Variants in PPM1D observed in about 807,000 individuals in gnomAD.
PPM1D encodes protein phosphatase 1D.
PPM1D carries 52 observed loss-of-function variants against 58.3 expected under a neutral mutation model. That is an observed-to-expected ratio of 0.89 (90% CI 0.71 to 1.12). The LOEUF (loss-of-function observed/expected upper bound fraction) is 1.12. PPM1D is among the 50% of genes most tolerant of loss of function. The pLI is 0.00. For missense variants in PPM1D, 564 were observed against 777.2 expected (o/e 0.73, Z 3.26); for synonymous variants, 278 against 285.1 (o/e 0.98, Z 0.25).
At chr17:60,609,702 G>T (rs2030414727) in intron 1 of PPM1D, among the ~76,000 whole-genome samples, 1 of 151,916 alleles carries the variant, frequency 6.6e-6, no homozygotes, top group Admixed American at 6.6e-5. Context: ...AGCCATCTTG[G>T]GTGTGGTTAT....
At chr17:60,652,185 A>G (rs1232068251) in intron 4 of PPM1D, among the ~76,000 whole-genome samples, 2 of 149,966 alleles carry the variant, frequency 1.3e-5, no homozygotes, top group Non-Finnish European at 3.0e-5. Context: ...CCACAATTCT[A>G]CTCTCTCTCT....
chr17:60,622,511 G>A (rs542733174), intron 1 of PPM1D, among the ~76,000 whole-genome samples: 23 of 152,260 alleles, frequency 1.5e-4, no homozygotes, highest in Non-Finnish European at 8.8e-5. Flanking sequence ...TTGAATGACA[G>A]TGAATTTAAT....
chr17:60,608,200 G>C (rs1442354805), intron 1 of PPM1D, among the ~76,000 whole-genome samples: 1 of 152,078 alleles, frequency 6.6e-6, no homozygotes, highest in Non-Finnish European at 1.5e-5. Context: ...TTATTAGGTA[G>C]TCTCTCCAGA....
At chr17:60,608,798 A>G (rs1312053002) in intron 1 of PPM1D, among the ~76,000 whole-genome samples, 1 of 149,996 alleles carries the variant, frequency 6.7e-6, no homozygotes, top group Admixed American at 6.7e-5. Context: ...CCCAGGCTGG[A>G]GTGCAGTGGC....
chr17:60,609,129 A>C (rs1908458533), intron 1 of PPM1D, among the ~76,000 whole-genome samples: 1 of 144,644 alleles, frequency 6.9e-6, no homozygotes, highest in South Asian at 2.2e-4. Flanking sequence ...AGTCTTGCTT[A>C]ATCTCCCGGG....
chr17:60,649,677 G>A (rs926556862), intron 4 of PPM1D, among the ~76,000 whole-genome samples: 16 of 150,506 alleles, frequency 1.1e-4, no homozygotes, highest in African/African-American at 3.7e-4. Flanking sequence ...CAATAAGAAC[G>A]AAACTCTGTC....
In PPM1D at chr17:60,600,620, C is replaced by G; in HGVS notation, c.206C>G (p.Ala69Gly). Residue 69 changes from alanine to glycine, a missense_variant, in exon 1 of 6, where the codon GCG (alanine) becomes GGG (glycine). This residue lies in a region of PPM1D where 132 missense variants were observed against 150.4 expected (regional missense o/e 0.88). Transcript: ENST00000305921. ...PGGEVSGKGP[A>G]VAAREARDPL... The stretch of plus-strand genomic sequence containing the variant: ...GGCGAAGTCTCGGGGAAAGGCCCAG[C>G]GGTGGCAGCCCGAGAGGCTCGCGAC... The G allele has an allele frequency of 1.3e-6, 2 of 1,560,550 alleles. No homozygotes were observed. The highest frequency in any genetic ancestry group is 1.7e-6 in the Non-Finnish European group (2 of 1,154,844).
At chr17:60,631,842 C>T (rs964118805) in intron 2 of PPM1D, among the ~76,000 whole-genome samples, 10 of 152,042 alleles carry the variant, frequency 6.6e-5, no homozygotes, top group Non-Finnish European at 1.2e-4. Flanking sequence ...TTTGAGAGAC[C>T]ATCTCTAATG....
At chr17:60,661,011 C>G (rs905200427) in intron 5 of PPM1D, among the ~76,000 whole-genome samples, 4 of 151,174 alleles carry the variant, frequency 2.6e-5, no homozygotes, top group Non-Finnish European at 5.9e-5. Flanking sequence ...GTCAGGAGAT[C>G]GAGACCAGCC....
At chr17:60,618,192 G>A (rs537168264) in intron 1 of PPM1D, among the ~76,000 whole-genome samples, 5 of 152,282 alleles carry the variant, frequency 3.3e-5, no homozygotes, top group Admixed American at 2.6e-4. Context: ...TTCCCAGGCT[G>A]TAAACTCCTG....
chr17:60,640,512 G>T (rs2031112718), intron 3 of PPM1D, among the ~76,000 whole-genome samples: 1 of 152,126 alleles, frequency 6.6e-6, no homozygotes, highest in Admixed American at 6.5e-5. Context: ...ATTCATCCTA[G>T]ATTTGTGGGC....
chr17:60,652,634 T>C (rs2031368309), intron 4 of PPM1D, among the ~76,000 whole-genome samples: 1 of 142,448 alleles, frequency 7.0e-6, no homozygotes. Context: ...CCACTAACAC[T>C]GAGGGTTCCC....
intron 2 of PPM1D, among the ~76,000 whole-genome samples, chr17:60,632,053 C>T (rs1331764923): frequency 1.3e-5 from 2 of 152,072 alleles, no homozygotes; most frequent in South Asian, 2.1e-4. Context: ...TGGCAGGTGC[C>T]TGTAGTCCCA....
At chr17:60,613,891 C>T (rs1053067948) in intron 1 of PPM1D, among the ~76,000 whole-genome samples, 3 of 108,002 alleles carry the variant, frequency 2.8e-5, no homozygotes, top group African/African-American at 2.2e-4. Flanking sequence ...ATACCTGAGG[C>T]CCCCCCCCCG....
At chr17:60,609,888 C>T (rs778254935) in intron 1 of PPM1D, among the ~76,000 whole-genome samples, 6 of 151,990 alleles carry the variant, frequency 3.9e-5, no homozygotes, top group Non-Finnish European at 8.8e-5. Context: ...ATCATAGATA[C>T]GTATGTATAG....
intron 4 of PPM1D, among the ~76,000 whole-genome samples, chr17:60,654,341 G>A (rs1413362416): frequency 2.2e-5 from 3 of 136,910 alleles, no homozygotes; most frequent in South Asian, 2.4e-4. Context: ...GTGCGATCCC[G>A]GCTCACTGCA....
chr17:60,615,865 G>T, intron 1 of PPM1D, among the ~76,000 whole-genome samples: 1 of 151,802 alleles, frequency 6.6e-6, no homozygotes. Context: ...GTCCAGGCTG[G>T]AGTATAGTAG....
At chr17:60,655,681 CTTTTCTTT>C (rs1057410561) in intron 4 of PPM1D, among the ~76,000 whole-genome samples, 14 of 150,628 alleles carry the variant, frequency 9.3e-5, no homozygotes, top group Admixed American at 6.6e-4. Context: ...ATAACTTTTT[CTTTTCTTT>C]TTTTCTTTTT....
At chr17:60,648,774 T>A (rs80259115) in intron 4 of PPM1D, among the ~76,000 whole-genome samples, 1 of 150,912 alleles carries the variant, frequency 6.6e-6, no homozygotes. Context: ...TTTTTTTTTT[T>A]TCTGACTGTC....
Sources: gnomAD v4.1 joint callset for allele counts (sites outside exome capture counted in the v4.1 genomes callset) on GRCh38, gnomAD v4.1.1 for gene constraint, gnomAD v4.1.1 regional missense constraint, MANE v1.5 for transcripts, NCBI Gene and HGNC (gene_info 2026-07-23, HGNC 2026-07-21) for gene names.